SYT1: variants seen among roughly 807,000 people sequenced by gnomAD.
SYT1 encodes the protein synaptotagmin 1.
In SYT1, 8 loss-of-function variants were observed where a neutral mutation model predicts 44.8. That is an observed-to-expected ratio of 0.18 (90% CI 0.10 to 0.32). The LOEUF (loss-of-function observed/expected upper bound fraction) is 0.32. Ranked by LOEUF, SYT1 falls within the 10% of genes least tolerant of loss-of-function variation. SYT1 has a pLI of 1.00. For missense variants in SYT1, 286 were observed against 509.3 expected (o/e 0.56, Z 4.22); for synonymous variants, 154 against 188.8 (o/e 0.82, Z 1.51).
chr12:79,050,478 T>A (rs959246737), intron 3 of SYT1, among the ~76,000 whole-genome samples: 1 of 152,076 alleles, frequency 6.6e-6, no homozygotes, highest in East Asian at 1.9e-4. Flanking sequence ...TTCAAGAACT[T>A]CATAGTCTCC....
intron 8 of SYT1, among the ~76,000 whole-genome samples, chr12:79,348,245 A>G (rs73354715): frequency 0.013 from 2,009 of 152,286 alleles, 38 homozygotes; most frequent in African/African-American, 0.044. Context: ...GAAAGGAGCA[A>G]GAAGAGATGC....
intron 2 of SYT1, among the ~76,000 whole-genome samples, chr12:79,036,105 T>C (rs1260773371): frequency 1.3e-5 from 2 of 151,706 alleles, no homozygotes; most frequent in Non-Finnish European, 2.9e-5. Context: ...TTGATGAGAG[T>C]TTATCTAACA....
chr12:79,293,329 AT>A (rs1487887743), intron 6 of SYT1, among the ~76,000 whole-genome samples: 2 of 3,760 alleles, frequency 5.3e-4, no homozygotes, highest in African/African-American at 3.9e-3. Context: ...ATCTCAAAAA[AT>A]AAAATAAAAT....
chr12:79,387,588 T>C lies in SYT1; in HGVS notation c.928+33969T>C, dbSNP rs372248103. Reference sequence around the variant, plus strand: ...CTGTAAAGAATATAAAAATTATAGTTAAATAACATTTCAAATATGAAGCTA... The same window carrying C: ...CTGTAAAGAATATAAAAATTATAGTCAAATAACATTTCAAATATGAAGCTA... On this transcript the variant is annotated intron_variant, in intron 9 of 10. Transcript: ENST00000261205. Among the ~76,000 whole-genome samples the C allele has an allele frequency of 5.3e-4, 81 of 152,354 alleles. 1 individual carries two copies. The East Asian group carries it at 8.5e-3, about 16-fold the overall frequency.
intron 8 of SYT1, among the ~76,000 whole-genome samples, chr12:79,312,273 C>G (rs1880845108): frequency 6.6e-6 from 1 of 152,116 alleles, no homozygotes; most frequent in South Asian, 2.1e-4. Context: ...TTGAGGCCTT[C>G]TTCCAGAAAA....
intron 9 of SYT1, among the ~76,000 whole-genome samples, chr12:79,360,359 C>T (rs977097163): frequency 6.6e-6 from 1 of 152,164 alleles, no homozygotes; most frequent in African/African-American, 2.4e-5. Flanking sequence ...GAGTCTCCTC[C>T]ACTGAAAGAG....
chr12:79,406,808 A>G (rs1325919886), intron 9 of SYT1, among the ~76,000 whole-genome samples: 1 of 152,164 alleles, frequency 6.6e-6, no homozygotes, highest in Admixed American at 6.6e-5. Context: ...AGTGAGAAAG[A>G]AAGTGAGTTA....
At chr12:79,059,728 G>T (rs1388382546) in intron 3 of SYT1, among the ~76,000 whole-genome samples, 1 of 152,024 alleles carries the variant, frequency 6.6e-6, no homozygotes, top group African/African-American at 2.4e-5. Context: ...GTTATACCAG[G>T]CTACTGTTAG....
At chr12:79,395,375 C>T (rs892238178) in intron 9 of SYT1, among the ~76,000 whole-genome samples, 3 of 151,978 alleles carry the variant, frequency 2.0e-5, no homozygotes, top group Admixed American at 6.5e-5. Flanking sequence ...CCCACGACCA[C>T]GCCCAGCTAA....
intron 9 of SYT1, among the ~76,000 whole-genome samples, chr12:79,411,684 T>C (rs1177154280): frequency 6.6e-6 from 1 of 152,124 alleles, no homozygotes; most frequent in Non-Finnish European, 1.5e-5. Context: ...GAAATGTAGA[T>C]AATTAGAAAA....
chr12:79,030,812 TGAA>T (rs1279719184), intron 2 of SYT1, among the ~76,000 whole-genome samples: 3 of 151,076 alleles, frequency 2.0e-5, no homozygotes, highest in African/African-American at 4.8e-5. Flanking sequence ...TTAAATTAAG[TGAA>T]GGAGTAAGGT....
chr12:79,258,550 C>G (rs989967177), intron 4 of SYT1, among the ~76,000 whole-genome samples: 2 of 152,160 alleles, frequency 1.3e-5, no homozygotes, highest in Non-Finnish European at 2.9e-5. Flanking sequence ...GTGATTTTGA[C>G]TCTAAAGCAT....
intron 2 of SYT1, among the ~76,000 whole-genome samples, chr12:78,996,680 G>A (rs1274184349): frequency 6.6e-6 from 1 of 152,156 alleles, no homozygotes; most frequent in African/African-American, 2.4e-5. Context: ...TGAGGATGCC[G>A]TGGAGTTCCA....
In SYT1 at chr12:79,180,586, T is replaced by C. The variant is rs1408568361; in HGVS notation, c.-17-36917T>C. Among the ~76,000 whole-genome samples, 4 of 152,078 alleles carry C rather than the reference T, an allele frequency of 2.6e-5. 1 individual carries two copies. Among genetic ancestry groups the C allele is most frequent in the South Asian group, 4.2e-4 (2 of 4,818 alleles). On this transcript the variant is annotated intron_variant, in intron 3 of 10. Transcript: ENST00000261205. The stretch of plus-strand genomic sequence containing the variant: ...TTCTGAGGAGGCCTCAGGAAACTTA[T>C]AATCATGGCTGAAGTGGAAGGAGGA...
chr12:78,920,071 G>T (rs937794450), intron 1 of SYT1, among the ~76,000 whole-genome samples: 1 of 151,628 alleles, frequency 6.6e-6, no homozygotes, highest in Non-Finnish European at 1.5e-5. Flanking sequence ...AAATACTAAG[G>T]CAGAAAAATG....
intron 8 of SYT1, among the ~76,000 whole-genome samples, chr12:79,308,591 G>A (rs546654998): frequency 5.2e-4 from 58 of 110,518 alleles, no homozygotes; most frequent in Non-Finnish European, 9.1e-4. Flanking sequence ...GGAAAAGAAA[G>A]AAGAAAGAAA....
intron 9 of SYT1, among the ~76,000 whole-genome samples, chr12:79,388,453 G>T (rs1487803991): frequency 6.6e-6 from 1 of 152,082 alleles, no homozygotes; most frequent in Non-Finnish European, 1.5e-5. Context: ...ATAACACTTT[G>T]GGAGGGTGAG....
At chr12:79,137,595 A>G (rs1297061902) in intron 3 of SYT1, among the ~76,000 whole-genome samples, 1 of 152,140 alleles carries the variant, frequency 6.6e-6, no homozygotes, top group Non-Finnish European at 1.5e-5. Flanking sequence ...CTAATTTTTT[A>G]CCCTATCAAC....
intron 2 of SYT1, among the ~76,000 whole-genome samples, chr12:78,980,372 G>A (rs755570835): frequency 2.9e-4 from 44 of 152,238 alleles, no homozygotes; most frequent in Admixed American, 6.5e-4. Flanking sequence ...GAAAATGGTC[G>A]AAATCTTAGG....
Sources: allele counts gnomAD v4.1 joint callset (sites outside exome capture counted in the v4.1 genomes callset), GRCh38; gene constraint gnomAD v4.1.1; transcripts MANE v1.5; gene names NCBI Gene and HGNC (gene_info 2026-07-23, HGNC 2026-07-21).